The following CCDC149 variants were observed in gnomAD, a reference collection of about 807,000 sequenced individuals.
CCDC149 encodes coiled-coil domain containing 149, also known as coiled-coil domain-containing protein 149.
CCDC149 carries 45 observed loss-of-function variants against 59.9 expected under a neutral mutation model. The observed-to-expected ratio is 0.75, with a 90% confidence interval of 0.59 to 0.96. The LOEUF (loss-of-function observed/expected upper bound fraction) is 0.96, where lower values mean the gene tolerates loss of function less well. Ranked by LOEUF, CCDC149 falls within the 40% of genes least tolerant of loss-of-function variation. The pLI, the probability that CCDC149 is intolerant of heterozygous loss-of-function variation, is 0.00. For synonymous variants in CCDC149, 245 were observed against 260.6 expected (o/e 0.94, Z 0.58); for missense variants, 584 against 664.7 (o/e 0.88, Z 1.33).
intron 1 of CCDC149, among the ~76,000 whole-genome samples, chr4:24,909,680 T>TG (rs1721758176): frequency 6.6e-6 from 1 of 152,334 alleles, no homozygotes; most frequent in African/African-American, 2.4e-5. Flanking sequence ...AATTGAATCA[T>TG]GGGGCTAGTT....
At chr4:24,850,758 C>T (rs964062262) in intron 4 of CCDC149, among the ~76,000 whole-genome samples, 8 of 152,118 alleles carry the variant, frequency 5.3e-5, no homozygotes, top group Admixed American at 5.2e-4. Context: ...AACTCATTCT[C>T]TACCACACAG....
intron 1 of CCDC149, among the ~76,000 whole-genome samples, chr4:24,953,162 T>C (rs1206109718): frequency 6.6e-6 from 1 of 152,160 alleles, no homozygotes; most frequent in Non-Finnish European, 1.5e-5. Context: ...CATCTGAGAA[T>C]TGAAGGGATA....
chr4:24,891,129 A>G (rs1720503554), intron 1 of CCDC149, among the ~76,000 whole-genome samples: 2 of 152,156 alleles, frequency 1.3e-5, no homozygotes, highest in Non-Finnish European at 2.9e-5. Flanking sequence ...TTTTCTTTCC[A>G]TAAACTCCAG....
At chr4:24,813,489 A>AATATAT (rs57650226) in intron 12 of CCDC149, among the ~76,000 whole-genome samples, 1,798 of 113,430 alleles carry the variant, frequency 0.016, 14 homozygotes, top group East Asian at 0.021. Context: ...CAGCTTGGGG[A>AATATAT]ATATATATAT....
intron 9 of CCDC149, among the ~76,000 whole-genome samples, chr4:24,824,107 C>G (rs987200390): frequency 1.3e-5 from 2 of 152,202 alleles, no homozygotes; most frequent in African/African-American, 4.8e-5. Context: ...AGGCTTAACT[C>G]TTCCGTGGAG....
chr4:24,903,024 C>A (rs370620645), intron 1 of CCDC149, among the ~76,000 whole-genome samples: 98 of 52,456 alleles, frequency 1.9e-3, no homozygotes, highest in East Asian at 6.5e-3. Flanking sequence ...GAGTCTAACT[C>A]AAAAAAAAAA....
At chr4:24,870,429 CT>C (rs1718969790) in intron 3 of CCDC149, among the ~76,000 whole-genome samples, 1 of 152,202 alleles carries the variant, frequency 6.6e-6, no homozygotes, top group Non-Finnish European at 1.5e-5. Flanking sequence ...GAATTTGTCA[CT>C]TGCACCCTGA....
At chr4:24,926,805 G>A (rs1722445130) in intron 1 of CCDC149, among the ~76,000 whole-genome samples, 1 of 152,194 alleles carries the variant, frequency 6.6e-6, no homozygotes, top group Admixed American at 6.5e-5. Flanking sequence ...TCGTCTGAAG[G>A]TTTCTTCAAT....
chr4:24,954,156 T>C (rs968134392), intron 1 of CCDC149, among the ~76,000 whole-genome samples: 3 of 152,192 alleles, frequency 2.0e-5, no homozygotes, highest in African/African-American at 7.2e-5. Context: ...GACATTAATA[T>C]AAACATCCAA....
chr4:24,872,469 C>T (rs945915528), intron 3 of CCDC149, among the ~76,000 whole-genome samples: 3 of 151,990 alleles, frequency 2.0e-5, no homozygotes, highest in Admixed American at 6.5e-5. Context: ...GTATCTATCA[C>T]CCCCTGAATA....
chr4:24,808,510 T>TC lies in CCDC149; in HGVS notation c.1501dup (p.Glu501GlyfsTer4). 1 of 1,525,694 alleles carries TC rather than the reference T, an allele frequency of 6.6e-7. No homozygotes were observed. The highest frequency in any genetic ancestry group is 1.3e-5 in the South Asian group (1 of 79,246). 94.5% of individuals were successfully genotyped at this position (1,525,694 alleles called of 1,614,324 possible). ...GGAGTCCAGGTGAGATTTAGGGAGC[T>TC]CCCCCTGGATGGCCAGGCCTGGCGG... On this transcript the variant is annotated frameshift_variant, in exon 13 of 13. Transcript: ENST00000635206. LOFTEE classifies it low-confidence loss of function (END_TRUNC).
intron 1 of CCDC149, among the ~76,000 whole-genome samples, chr4:24,937,817 G>A (rs1399456725): frequency 2.0e-5 from 3 of 152,182 alleles, no homozygotes; most frequent in Non-Finnish European, 2.9e-5. Context: ...CATGGAAGTC[G>A]GTGAGGAGTA....
upstream of CCDC149, among the ~76,000 whole-genome samples, chr4:24,917,392 CG>C (rs1722160059): frequency 6.6e-6 from 1 of 152,154 alleles, no homozygotes; most frequent in South Asian, 2.1e-4. Context: ...CCTGGCAGGC[CG>C]GGGACCCGCA....
intron 3 of CCDC149, among the ~76,000 whole-genome samples, chr4:24,857,081 T>TA (rs1456886483): frequency 2.0e-5 from 3 of 152,076 alleles, no homozygotes; most frequent in East Asian, 1.9e-4. Flanking sequence ...AATGAAAACG[T>TA]AAAAAAAGAC....
intron 1 of CCDC149, among the ~76,000 whole-genome samples, chr4:24,945,806 G>C (rs1166446021): frequency 6.6e-6 from 1 of 152,020 alleles, no homozygotes; most frequent in Admixed American, 6.6e-5. Flanking sequence ...ATTTTTAGTA[G>C]AGATGGGGTT....
intron 7 of CCDC149, among the ~76,000 whole-genome samples, chr4:24,835,805 AC>A (rs1716476429): frequency 6.6e-6 from 1 of 152,124 alleles, no homozygotes. Context: ...GTAAAACTTC[AC>A]CCTCAGGAAG....
intron 1 of CCDC149, among the ~76,000 whole-genome samples, chr4:24,928,783 G>A (rs536670073): frequency 6.6e-6 from 1 of 152,282 alleles, no homozygotes; most frequent in East Asian, 1.9e-4. Flanking sequence ...ACAGGGCAGA[G>A]GTGTCTTCCT....
intron 4 of CCDC149, among the ~76,000 whole-genome samples, chr4:24,842,758 G>A (rs1717016415): frequency 6.6e-6 from 1 of 152,186 alleles, no homozygotes; most frequent in Non-Finnish European, 1.5e-5. Context: ...CATGAAGCCT[G>A]TCCAGGCCTC....
intron 1 of CCDC149, among the ~76,000 whole-genome samples, chr4:24,903,133 T>G (rs979002244): frequency 6.7e-6 from 1 of 150,154 alleles, no homozygotes; most frequent in Non-Finnish European, 1.5e-5. Flanking sequence ...CCCCCATATA[T>G]CTCTCCCCCT....
Sources: allele counts gnomAD v4.1 joint callset (sites outside exome capture counted in the v4.1 genomes callset), GRCh38; gene constraint gnomAD v4.1.1; transcripts MANE v1.5; gene names NCBI Gene and HGNC (gene_info 2026-07-23, HGNC 2026-07-21).